Variants in SNX10 observed in about 807,000 individuals in gnomAD.
The protein encoded by SNX10 is sorting nexin 10.
Under a neutral mutation model 28.5 loss-of-function variants are expected in SNX10, and 25 were observed. That is an observed-to-expected ratio of 0.88 (90% CI 0.64 to 1.22). SNX10 has a LOEUF of 1.22. SNX10 is among the 50% of genes most tolerant of loss of function. The probability of loss-of-function intolerance (pLI) is 0.00; values close to 1 mark genes in which losing one functional copy is unlikely to be tolerated. For missense variants in SNX10, 223 were observed against 242.6 expected, an observed-to-expected ratio of 0.92 and a Z score of 0.54; for synonymous variants, 62 against 81.4, an observed-to-expected ratio of 0.76 and a Z score of 1.28.
At chr7:26,309,222 C>G (rs1227189993) in intron 1 of SNX10, among the ~76,000 whole-genome samples, 1 of 152,148 alleles carries the variant, frequency 6.6e-6, no homozygotes, top group Non-Finnish European at 1.5e-5. Context: ...TCCATGAAGC[C>G]TCCCCCTCCA....
intron 1 of SNX10, among the ~76,000 whole-genome samples, chr7:26,316,338 A>G (rs146431767): frequency 1.3e-5 from 2 of 152,184 alleles, no homozygotes; most frequent in African/African-American, 2.4e-5. Flanking sequence ...TTTTCCAGAA[A>G]CCCAAGGTTA....
chr7:26,319,847 C>T (rs1275480394), intron 1 of SNX10, among the ~76,000 whole-genome samples: 1 of 152,022 alleles, frequency 6.6e-6, no homozygotes, highest in Admixed American at 6.6e-5. Flanking sequence ...TTCTCCAGGA[C>T]GTTTCCTTCC....
chr7:26,329,575 C>T (rs1787644620), intron 1 of SNX10, among the ~76,000 whole-genome samples: 1 of 152,236 alleles, frequency 6.6e-6, no homozygotes, highest in African/African-American at 2.4e-5. Context: ...GGGATCTTCT[C>T]TCCTGAACCC....
chr7:26,372,782 C>T lies in SNX10; in HGVS notation c.*210C>T. 4.5e-6 allele frequency: 2 copies of T among 442,422 alleles called. No individual in the cohort carries two copies. The highest frequency in any genetic ancestry group is 4.5e-5 in the South Asian group (1 of 21,994). 27.4% of individuals were successfully genotyped at this position (442,422 alleles called of 1,614,324 possible). ...TGTAAAGCTAAAAATCCTGTGAATA[C>T]AATACTATCCTTTACAGGCAGACAT... On this transcript the variant is annotated 3_prime_UTR_variant, in exon 7 of 7. Transcript: ENST00000338523.
intron 1 of SNX10, among the ~76,000 whole-genome samples, chr7:26,314,562 T>C (rs1786992555): frequency 6.6e-6 from 1 of 152,252 alleles, no homozygotes; most frequent in African/African-American, 2.4e-5. Context: ...TTAGTTGTTA[T>C]ATTGACTTGT....
intron 2 of SNX10, among the ~76,000 whole-genome samples, chr7:26,356,319 A>T (rs1436343318): frequency 6.6e-6 from 1 of 152,216 alleles, no homozygotes; most frequent in Non-Finnish European, 1.5e-5. Context: ...AGAAGTCATT[A>T]AAGTGTTTAA....
Position 26,319,790 on chromosome 7 carries a change from G to A in SNX10, c.-23-26630G>A, listed in dbSNP as rs929746005. ...TACAACCTGATGTGCTAGCTAAGGC[G>A]GGGGGGAAATGACAAAAGCCTCAGA... On this transcript the variant is annotated intron_variant, in intron 1 of 6. Coordinates refer to ENST00000338523, the MANE Select transcript of SNX10 (RefSeq NM_013322.3). 7.9e-5 allele frequency among the ~76,000 whole-genome samples: 12 copies of A among 152,054 alleles called. No homozygotes were observed. In the South Asian group the frequency reaches 2.1e-3, roughly 26 times the overall value.
At chr7:26,333,147 A>G (rs1787803553) in intron 1 of SNX10, among the ~76,000 whole-genome samples, 1 of 152,170 alleles carries the variant, frequency 6.6e-6, no homozygotes, top group South Asian at 2.1e-4. Context: ...GCTTGAATCC[A>G]TAGATCACTT....
At chr7:26,311,646 C>T (rs1006688003) in intron 1 of SNX10, among the ~76,000 whole-genome samples, 2 of 152,052 alleles carry the variant, frequency 1.3e-5, no homozygotes, top group African/African-American at 2.4e-5. Flanking sequence ...ATTTACATCT[C>T]TTACTTTTCA....
intron 5 of SNX10, among the ~76,000 whole-genome samples, chr7:26,367,948 T>C (rs1299866465): frequency 6.6e-6 from 1 of 152,240 alleles, no homozygotes; most frequent in Admixed American, 6.5e-5. Context: ...ACTAAATATG[T>C]TCAAACCTTT....
intron 2 of SNX10, among the ~76,000 whole-genome samples, chr7:26,349,463 T>C (rs920244851): frequency 6.6e-6 from 1 of 152,174 alleles, no homozygotes; most frequent in African/African-American, 2.4e-5. Flanking sequence ...ATCTCCCTTG[T>C]TAGTTAAGCA....
intron 1 of SNX10, among the ~76,000 whole-genome samples, chr7:26,298,178 G>A (rs1049561197): frequency 6.6e-6 from 1 of 152,162 alleles, no homozygotes; most frequent in African/African-American, 2.4e-5. Context: ...CCGAGATCGT[G>A]CCATTGCACT....
chr7:26,305,635 C>G (rs183048630), intron 1 of SNX10, among the ~76,000 whole-genome samples: 1 of 152,172 alleles, frequency 6.6e-6, no homozygotes, highest in Non-Finnish European at 1.5e-5. Flanking sequence ...TGTCTAAACA[C>G]ACAGGAAACT....
At chr7:26,369,660 T>G (rs1224935280) in intron 5 of SNX10, among the ~76,000 whole-genome samples, 1 of 152,230 alleles carries the variant, frequency 6.6e-6, no homozygotes, top group African/African-American at 2.4e-5. Context: ...CACATCTTTC[T>G]GGCTCTTTGG....
At chr7:26,367,627 G>A (rs1044291704) in intron 5 of SNX10, among the ~76,000 whole-genome samples, 2 of 152,064 alleles carry the variant, frequency 1.3e-5, no homozygotes, top group Non-Finnish European at 2.9e-5. Context: ...GTGCTTGCCC[G>A]GGTTGTGTAA....
chr7:26,319,087 G>A lies in SNX10; in HGVS notation c.-24+27001G>A, dbSNP rs1787210821. On this transcript the variant is annotated intron_variant, in intron 1 of 6. Transcript: ENST00000338523. ...CAAACCCCTGTGTCAGTGGAGGAAG[G>A]GAGGTCTGTGTCAAGAGATTTATTG... Among the ~76,000 whole-genome samples, 5 of 152,222 alleles carry A rather than the reference G, an allele frequency of 3.3e-5. No homozygotes were observed. In the South Asian group the frequency reaches 1.0e-3, roughly 32 times the overall value.
At chr7:26,370,798 CAA>C (rs1468949344) in intron 5 of SNX10, 2 of 152,096 alleles carry the variant, frequency 1.3e-5, no homozygotes, top group Non-Finnish European at 2.9e-5. Context: ...TTATGTTGGA[CAA>C]AATTCTACTT....
At chr7:26,318,656 C>T (rs1483979590) in intron 1 of SNX10, among the ~76,000 whole-genome samples, 1 of 152,142 alleles carries the variant, frequency 6.6e-6, no homozygotes, top group Non-Finnish European at 1.5e-5. Context: ...GTTTATTGTA[C>T]ACATGGGGTT....
At chr7:26,313,386 T>C (rs1289351293) in intron 1 of SNX10, among the ~76,000 whole-genome samples, 1 of 152,222 alleles carries the variant, frequency 6.6e-6, no homozygotes, top group Non-Finnish European at 1.5e-5. Flanking sequence ...ACCTGTAAAC[T>C]GATGTCTTTC....
Sources: gnomAD v4.1 joint callset for allele counts (sites outside exome capture counted in the v4.1 genomes callset) on GRCh38, gnomAD v4.1.1 for gene constraint, MANE v1.5 for transcripts, NCBI Gene and HGNC (gene_info 2026-07-23, HGNC 2026-07-21) for gene names.